The following EVI5 variants were observed in gnomAD, a reference collection of about 807,000 sequenced individuals.
EVI5 encodes the protein ecotropic viral integration site 5 protein homolog.
Under a neutral mutation model 112.0 loss-of-function variants are expected in EVI5, and 73 were observed. The ratio of observed to expected loss-of-function variants is 0.65; its 90% CI spans 0.54 to 0.79. EVI5 has a LOEUF of 0.79. EVI5 is among the 30% of genes least tolerant of loss of function. The probability of loss-of-function intolerance (pLI) is 0.00; values close to 1 mark genes in which losing one functional copy is unlikely to be tolerated. For missense variants in EVI5, 900 were observed against 968.8 expected, an observed-to-expected ratio of 0.93 and a Z score of 0.94; for synonymous variants, 305 against 319.9, an observed-to-expected ratio of 0.95 and a Z score of 0.50.
At chr1:92,674,117 T>G (rs1162469869) in intron 10 of EVI5, among the ~76,000 whole-genome samples, 1 of 152,072 alleles carries the variant, frequency 6.6e-6, no homozygotes, top group Admixed American at 6.5e-5. Flanking sequence ...AAAAGAGACT[T>G]TTGCGGGAGG....
At chr1:92,712,426 T>A (rs1028268396) in intron 2 of EVI5, among the ~76,000 whole-genome samples, 3 of 152,162 alleles carry the variant, frequency 2.0e-5, no homozygotes, top group Non-Finnish European at 4.4e-5. Flanking sequence ...ACTAATAGTA[T>A]GGAGATTATT....
intron 5 of EVI5, among the ~76,000 whole-genome samples, chr1:92,699,521 C>T (rs1056583185): frequency 3.3e-5 from 5 of 152,140 alleles, no homozygotes; most frequent in Non-Finnish European, 7.4e-5. Flanking sequence ...TCTTTTCTCT[C>T]CCACAGCACT....
intron 18 of EVI5, among the ~76,000 whole-genome samples, chr1:92,577,453 T>C (rs911364438): frequency 2.0e-5 from 3 of 152,164 alleles, no homozygotes; most frequent in Non-Finnish European, 4.4e-5. Context: ...TGCTGCAGGG[T>C]AGCATCAGTA....
rs138131758 is a variant in EVI5 at position 92,752,490 on chromosome 1, C to T, written c.-81-15863G>A. ...CACTGCACCCAGCCTAATGAAACGTCTTAATACAGATATTTTTTTCACCTG... is the reference window on the plus strand; with the variant it reads ...CACTGCACCCAGCCTAATGAAACGTTTTAATACAGATATTTTTTTCACCTG... On this transcript the variant is annotated intron_variant, in intron 1 of 19. Coordinates refer to ENST00000684568, the MANE Select transcript of EVI5 (RefSeq NM_001350197.2). Among the ~76,000 whole-genome samples the T allele has an allele frequency of 1.4e-4, 22 of 152,134 alleles. No individual in the cohort carries two copies. In the East Asian group the frequency reaches 3.3e-3, roughly 23 times the overall value.
At chr1:92,774,874 T>A (rs980843310) in intron 1 of EVI5, among the ~76,000 whole-genome samples, 1 of 152,158 alleles carries the variant, frequency 6.6e-6, no homozygotes, top group Non-Finnish European at 1.5e-5. Flanking sequence ...AAAATAAACA[T>A]ACCAGGCTAG....
chr1:92,596,645 T>C (rs1557868363), intron 18 of EVI5, among the ~76,000 whole-genome samples: 1 of 152,126 alleles, frequency 6.6e-6, no homozygotes, highest in Non-Finnish European at 1.5e-5. Flanking sequence ...CTTAAGTATA[T>C]ATTACAGAAA....
intron 1 of EVI5, chr1:92,756,129 C>T: frequency 3.1e-6 from 1 of 327,662 alleles, no homozygotes; most frequent in Non-Finnish European, 6.4e-6. Flanking sequence ...TGGAACAGCT[C>T]AACAGCCTAG....
In EVI5 at chr1:92,554,985, AAAAG is replaced by A. The variant is rs781663027; in HGVS notation, c.2166+8653_2166+8656del. Among the ~76,000 whole-genome samples, 4 of 152,294 alleles carry A rather than the reference AAAAG, an allele frequency of 2.6e-5. No individual in the cohort carries two copies. The East Asian group carries it at 5.8e-4, about 22-fold the overall frequency. ...ACAGAGCAAGACCTTGTCTCCAGAAAAAAGAAAGAAAGAAAGAAAAGAATGGGTT... is the reference window on the plus strand; with the variant it reads ...ACAGAGCAAGACCTTGTCTCCAGAAAAAAGAAAGAAAGAAAAGAATGGGTT... On this transcript the variant is annotated intron_variant, in intron 19 of 19. Transcript: ENST00000684568.
intron 2 of EVI5, among the ~76,000 whole-genome samples, chr1:92,735,227 G>A (rs1208955026): frequency 6.6e-6 from 1 of 152,070 alleles, no homozygotes; most frequent in Admixed American, 6.6e-5. Flanking sequence ...ACTATAAAAA[G>A]GAATCAACTA....
intron 1 of EVI5, among the ~76,000 whole-genome samples, chr1:92,775,079 A>G (rs1038139193): frequency 1.3e-5 from 2 of 152,242 alleles, no homozygotes; most frequent in Admixed American, 6.5e-5. Context: ...CACAAAAGTA[A>G]AATACAGTCA....
At chr1:92,759,419 T>C (rs778397882) in intron 1 of EVI5, among the ~76,000 whole-genome samples, 6 of 152,204 alleles carry the variant, frequency 3.9e-5, no homozygotes, top group Non-Finnish European at 7.3e-5. Context: ...AGTAAAACTG[T>C]GAACTAGCTA....
intron 19 of EVI5, among the ~76,000 whole-genome samples, chr1:92,547,605 C>T (rs1440797895): frequency 6.6e-6 from 1 of 151,894 alleles, no homozygotes; most frequent in African/African-American, 2.4e-5. Flanking sequence ...GCTAGCAAGA[C>T]TAATAAAGAA....
intron 18 of EVI5, among the ~76,000 whole-genome samples, chr1:92,592,784 A>G (rs960418370): frequency 7.9e-5 from 12 of 152,250 alleles, no homozygotes; most frequent in Admixed American, 7.2e-4. Flanking sequence ...AGAGCATACT[A>G]TAAACACCTC....
intron 14 of EVI5, among the ~76,000 whole-genome samples, chr1:92,632,673 T>G (rs1657453543): frequency 1.3e-5 from 2 of 152,178 alleles, no homozygotes; most frequent in African/African-American, 4.8e-5. Flanking sequence ...CTCTATTTCC[T>G]TCAGTTCTGC....
intron 19 of EVI5, among the ~76,000 whole-genome samples, chr1:92,558,047 G>C (rs1166616704): frequency 1.3e-5 from 2 of 152,074 alleles, no homozygotes; most frequent in Non-Finnish European, 2.9e-5. Flanking sequence ...CAAAAAATCT[G>C]TCTTAATAAG....
chr1:92,576,795 T>C (rs1321543070), intron 18 of EVI5, among the ~76,000 whole-genome samples: 1 of 152,238 alleles, frequency 6.6e-6, no homozygotes, highest in Non-Finnish European at 1.5e-5. Context: ...AATAAGAATC[T>C]GAGCCCTTTG....
intron 9 of EVI5, among the ~76,000 whole-genome samples, chr1:92,693,601 G>A (rs1669829371): frequency 6.6e-6 from 1 of 152,042 alleles, no homozygotes; most frequent in South Asian, 2.1e-4. Context: ...ACGTGGAAAA[G>A]GAGGAAAGTT....
At chr1:92,621,047 T>C (rs1654446078) in intron 16 of EVI5, among the ~76,000 whole-genome samples, 1 of 152,016 alleles carries the variant, frequency 6.6e-6, no homozygotes, top group African/African-American at 2.4e-5. Context: ...GAAGGTAAAC[T>C]CTATTTATTG....
chr1:92,697,874 C>T lies in EVI5; in HGVS notation c.751G>A (p.Glu251Lys), dbSNP rs567174824. ...AELGLCMYQF[E>K]CMIQEHLPEL... ...TGCACTTTTACCTGTATCATACATTCAAACTGGTACATACAAAGGCCCAAT... is the reference window on the plus strand; with the variant it reads ...TGCACTTTTACCTGTATCATACATTTAAACTGGTACATACAAAGGCCCAAT... The change falls in exon 6 of 20, where the codon GAA becomes AAA. Residue 251 changes from glutamate to lysine, a missense_variant. Glu to Lys is a moderately conservative substitution (Grantham distance 56). Coordinates refer to ENST00000684568, the MANE Select transcript of EVI5 (RefSeq NM_001350197.2). 3.7e-6 allele frequency: 6 copies of T among 1,612,588 alleles called. No homozygotes were observed. In the East Asian group the frequency reaches 1.3e-4, roughly 36 times the overall value.
Sources: allele counts gnomAD v4.1 joint callset (sites outside exome capture counted in the v4.1 genomes callset), GRCh38; gene constraint gnomAD v4.1.1; transcripts MANE v1.5; gene names NCBI Gene and HGNC (gene_info 2026-07-23, HGNC 2026-07-21).